Variants in MCC observed in about 807,000 individuals in gnomAD.
The protein encoded by MCC is colorectal mutant cancer protein.
MCC carries 90 observed loss-of-function variants against 116.2 expected under a neutral mutation model. The observed-to-expected ratio is 0.77, with a 90% CI of 0.65 to 0.92. MCC has a LOEUF of 0.92. MCC is among the 40% of genes least tolerant of loss of function. The pLI is 0.00. For synonymous variants in MCC, 578 were observed against 510.5 expected (o/e 1.13, Z -1.78); for missense variants, 1,516 against 1,312.2 (o/e 1.16, Z -2.40).
chr5:113,197,357 G>A (rs796167722), intron 3 of MCC, among the ~76,000 whole-genome samples: 10 of 152,278 alleles, frequency 6.6e-5, no homozygotes, highest in African/African-American at 1.4e-4. Flanking sequence ...AGCGGGGAAA[G>A]AAGTGAAGAA....
chr5:113,357,379 C>G (rs1561536563), intron 2 of MCC, among the ~76,000 whole-genome samples: 1 of 152,024 alleles, frequency 6.6e-6, no homozygotes, highest in Admixed American at 6.6e-5. Flanking sequence ...CAATTGACAC[C>G]CAACCAGTGC....
At chr5:113,048,108 T>C (rs1350491937) in intron 16 of MCC, among the ~76,000 whole-genome samples, 2 of 152,224 alleles carry the variant, frequency 1.3e-5, no homozygotes, top group East Asian at 3.8e-4. Flanking sequence ...TCCTCACTTC[T>C]TTGAGCCTCA....
chr5:113,324,133 A>G (rs900582670), intron 3 of MCC, among the ~76,000 whole-genome samples: 12 of 152,184 alleles, frequency 7.9e-5, no homozygotes, highest in Admixed American at 2.6e-4. Context: ...GGAGAGAGCA[A>G]TGAGGATTTT....
intron 6 of MCC, among the ~76,000 whole-genome samples, chr5:113,114,322 G>C (rs1364953656): frequency 6.6e-6 from 1 of 152,202 alleles, no homozygotes; most frequent in East Asian, 1.9e-4. Context: ...AACACGGAGA[G>C]CGCAAGATGA....
chr5:113,101,979 A>C, intron 7 of MCC, 34 bp from the exon 8 acceptor site: 7 of 1,608,282 alleles, frequency 4.4e-6, no homozygotes, highest in Non-Finnish European at 5.1e-6. Flanking sequence ...AAGTCAAGTA[A>C]GTTACCTTGG....
chr5:113,104,300 A>T lies in MCC; in HGVS notation c.1083T>A (p.Asn361Lys). 1.2e-6 allele frequency: 2 copies of T among 1,613,952 alleles called. No homozygotes were observed. Among genetic ancestry groups the T allele is most frequent in the Non-Finnish European group, 1.7e-6 (2 of 1,180,018 alleles). The change falls in exon 7 of 19, where the codon AAT becomes AAA. Residue 361 changes from asparagine to lysine, a missense_variant. By Grantham distance (94) the Asn-to-Lys change is moderately conservative. Transcript: ENST00000408903. ...TGCTCTTCTTCCTGCCGCAGACAACATTCTCCAGCCCTGTCAGCACCCTCT... is the reference window on the plus strand; with the variant it reads ...TGCTCTTCTTCCTGCCGCAGACAACTTTCTCCAGCCCTGTCAGCACCCTCT... ...ELQRVLTGLE[N>K]VVCGRKKSSC... is the part of the protein sequence containing the mutation.
chr5:113,191,015 C>T (rs945387879), intron 3 of MCC, among the ~76,000 whole-genome samples: 3 of 152,210 alleles, frequency 2.0e-5, no homozygotes, highest in African/African-American at 7.2e-5. Context: ...ATCTCAGCAG[C>T]AGGCTGGAAG....
chr5:113,435,037 A>G, intron 1 of MCC: 1 of 617,314 alleles, frequency 1.6e-6, no homozygotes, highest in Non-Finnish European at 2.8e-6. Flanking sequence ...GTGAAGTCAC[A>G]AAGGAGGAGT....
chr5:113,462,928 G>A (rs1035656703), intron 1 of MCC, among the ~76,000 whole-genome samples: 2 of 152,030 alleles, frequency 1.3e-5, no homozygotes, highest in African/African-American at 2.4e-5. Flanking sequence ...CAATTCCCAC[G>A]AATGAACATA....
chr5:113,367,808 G>A (rs1768739377), intron 2 of MCC, among the ~76,000 whole-genome samples: 1 of 152,116 alleles, frequency 6.6e-6, no homozygotes, highest in Non-Finnish European at 1.5e-5. Flanking sequence ...GGTCATTAGA[G>A]TTATCTTGAG....
chr5:113,029,404 C>T (rs890032702), intron 17 of MCC, among the ~76,000 whole-genome samples: 1 of 150,256 alleles, frequency 6.7e-6, no homozygotes, highest in Non-Finnish European at 1.5e-5. Flanking sequence ...ACCACAAACC[C>T]CCGTCTGTCT....
rs1581257119 is a variant in MCC at position 113,211,019 on chromosome 5, G to C, written c.628-59597C>G. Among the ~76,000 whole-genome samples, 4 of 152,258 alleles carry C rather than the reference G, an allele frequency of 2.6e-5. 1 individual carries two copies. The highest frequency in any genetic ancestry group is 2.6e-4 in the Admixed American group (4 of 15,292). ...CTCACTGGTGTAATTAGTGGTGTTA[G>C]AGATATGTGGATTGCCTATTAACAT... is the stretch of plus-strand genomic sequence containing the variant. On this transcript the variant is annotated intron_variant, in intron 3 of 18. Transcript: ENST00000408903.
intron 1 of MCC, among the ~76,000 whole-genome samples, chr5:113,414,678 C>T (rs1189640621): frequency 3.9e-5 from 6 of 152,054 alleles, no homozygotes; most frequent in Admixed American, 2.0e-4. Flanking sequence ...TGAGATGGGT[C>T]TCCTGAATAT....
chr5:113,181,276 A>T (rs899610574), intron 3 of MCC, among the ~76,000 whole-genome samples: 3 of 152,230 alleles, frequency 2.0e-5, no homozygotes, highest in African/African-American at 7.2e-5. Context: ...ATTTTAGACC[A>T]CCACTATCGG....
chr5:113,175,219 A>T (rs1761273302), intron 3 of MCC, among the ~76,000 whole-genome samples: 1 of 152,202 alleles, frequency 6.6e-6, no homozygotes, highest in Admixed American at 6.5e-5. Context: ...TGAAAAATGG[A>T]TATTAACAAT....
chr5:113,028,347 A>G (rs1750718170), intron 18 of MCC, among the ~76,000 whole-genome samples: 1 of 151,652 alleles, frequency 6.6e-6, no homozygotes. Flanking sequence ...TTTTCTAATT[A>G]TTTCTTGGAA....
At chr5:113,371,813 T>G (rs1269583596) in intron 2 of MCC, among the ~76,000 whole-genome samples, 1 of 152,206 alleles carries the variant, frequency 6.6e-6, no homozygotes, top group Non-Finnish European at 1.5e-5. Flanking sequence ...GGAAGCAAAA[T>G]AAGCCTTCCT....
chr5:113,343,884 A>C (rs1230769377), intron 2 of MCC, among the ~76,000 whole-genome samples: 3 of 152,206 alleles, frequency 2.0e-5, no homozygotes, highest in Non-Finnish European at 2.9e-5. Context: ...GGCTGAATAG[A>C]AGCCTCCACC....
intron 3 of MCC, among the ~76,000 whole-genome samples, chr5:113,198,421 A>G (rs1762520867): frequency 6.6e-6 from 1 of 152,040 alleles, no homozygotes; most frequent in Non-Finnish European, 1.5e-5. Flanking sequence ...GGGGCCAGGC[A>G]TGGTGGCACA....
Sources: allele counts gnomAD v4.1 joint callset (sites outside exome capture counted in the v4.1 genomes callset), GRCh38; gene constraint gnomAD v4.1.1; transcripts MANE v1.5; gene names NCBI Gene and HGNC (gene_info 2026-07-23, HGNC 2026-07-21).